The following RELL1 variants were observed in gnomAD, a reference collection of about 807,000 sequenced individuals.
The protein encoded by RELL1 is RELT like 1, also known as RELT-like protein 1.
Under a neutral mutation model 23.0 loss-of-function variants are expected in RELL1, and 10 were observed. The ratio of observed to expected loss-of-function variants is 0.43; its 90% confidence interval spans 0.27 to 0.74. RELL1 has a LOEUF of 0.74. Ranked by LOEUF, RELL1 falls within the 30% of genes least tolerant of loss-of-function variation. The probability of loss-of-function intolerance (pLI) is 0.19; values close to 1 mark genes in which losing one functional copy is unlikely to be tolerated. For synonymous variants in RELL1, 146 were observed against 146.8 expected (o/e 0.99, Z 0.04); for missense variants, 315 against 364.4 (o/e 0.86, Z 1.10).
At chr4:37,679,231 C>T (rs1374637350) in intron 1 of RELL1, among the ~76,000 whole-genome samples, 1 of 152,158 alleles carries the variant, frequency 6.6e-6, no homozygotes, top group Non-Finnish European at 1.5e-5. Flanking sequence ...CCAAACTCTC[C>T]ATCTAGCCGA....
chr4:37,680,700 G>A (rs936748980), intron 1 of RELL1, among the ~76,000 whole-genome samples: 141 of 152,196 alleles, frequency 9.3e-4, no homozygotes, highest in Non-Finnish European at 1.7e-3. Flanking sequence ...AGGCCGAGGC[G>A]GGCGGATCAT....
intron 1 of RELL1, among the ~76,000 whole-genome samples, chr4:37,655,862 C>A (rs1334607701): frequency 6.6e-6 from 1 of 152,198 alleles, no homozygotes; most frequent in Non-Finnish European, 1.5e-5. Flanking sequence ...AAGTGGTCAG[C>A]TGGGTCAGAT....
chr4:37,670,070 A>G (rs1469565098), intron 1 of RELL1, among the ~76,000 whole-genome samples: 2 of 149,938 alleles, frequency 1.3e-5, no homozygotes, highest in African/African-American at 4.9e-5. Flanking sequence ...AAAAAAAAAA[A>G]GAAAGAAAAA....
intron 1 of RELL1, among the ~76,000 whole-genome samples, chr4:37,659,211 G>A (rs11941937): frequency 0.15 from 22,659 of 152,184 alleles, 1,755 homozygotes; most frequent in African/African-American, 0.17. Context: ...GGTTTTTCCT[G>A]GGCCCAGTAA....
chr4:37,619,534 T>A lies in RELL1; in HGVS notation c.*4-6192A>T, dbSNP rs564365150. Among the ~76,000 whole-genome samples, 4 of 152,162 alleles carry A rather than the reference T, an allele frequency of 2.6e-5. No homozygotes were observed. The South Asian group carries it at 8.3e-4, about 32-fold the overall frequency. ...ATGAACCAGTTTGCCTGGGAGGTCT[T>A]GGTTTATATATGTTTACCCAGAATA... On this transcript the variant is annotated intron_variant, in intron 6 of 6. Coordinates refer to ENST00000454158, the MANE Select transcript of RELL1 (RefSeq NM_001085400.2).
At chr4:37,631,277 T>C in intron 6 of RELL1, 108 bp downstream of exon 6, 1 of 1,250,390 alleles carries the variant, frequency 8.0e-7, no homozygotes, top group Non-Finnish European at 1.1e-6. Flanking sequence ...CTCTCCCACT[T>C]CCCTGTCAAA....
intron 3 of RELL1, among the ~76,000 whole-genome samples, chr4:37,640,530 G>C (rs926946904): frequency 6.6e-6 from 1 of 152,128 alleles, no homozygotes; most frequent in African/African-American, 2.4e-5. Context: ...TCCATGCGGG[G>C]ATGTTCCCCA....
In RELL1 at chr4:37,611,446, A is replaced by ATGTT. The variant is rs937009241; in HGVS notation, c.*1896_*1899dup. 1.3e-4 allele frequency among the ~76,000 whole-genome samples: 20 copies of ATGTT among 152,228 alleles called. No individual in the cohort carries two copies. Among genetic ancestry groups the ATGTT allele is most frequent in the African/African-American group, 4.6e-4 (19 of 41,450 alleles). On this transcript the variant is annotated 3_prime_UTR_variant, in exon 7 of 7. Transcript: ENST00000454158. ...TCCCCATTTATTTAAAAGGTTAGAA[A>ATGTT]TGTTTAGTTTGATGCTGGAAATAAA...
intron 6 of RELL1, among the ~76,000 whole-genome samples, chr4:37,630,767 T>C (rs1720103407): frequency 6.6e-6 from 1 of 151,912 alleles, no homozygotes; most frequent in Admixed American, 6.6e-5. Context: ...CCTCAAAATA[T>C]TTGGTGGGAA....
downstream of RELL1, among the ~76,000 whole-genome samples, chr4:37,606,972 C>T (rs1478165172): frequency 1.3e-5 from 2 of 152,212 alleles, no homozygotes; most frequent in African/African-American, 2.4e-5. This position sits in a 1 kb window ranked among gnomAD's most constrained non-coding sequence, Gnocchi z 4.1. Context: ...TGTACCATCA[C>T]GTTCCTGACA....
intron 1 of RELL1, among the ~76,000 whole-genome samples, chr4:37,667,530 G>A (rs991651193): frequency 6.8e-6 from 1 of 147,766 alleles, no homozygotes; most frequent in Non-Finnish European, 1.5e-5. Context: ...AAAAGTCCAT[G>A]GAATGGGATT....
At chr4:37,615,907 C>A (rs948093966) in intron 6 of RELL1, among the ~76,000 whole-genome samples, 8 of 151,914 alleles carry the variant, frequency 5.3e-5, no homozygotes, top group Non-Finnish European at 1.2e-4. Context: ...TATGGGTCCA[C>A]GGAAGCTGCC....
Position 37,686,202 on chromosome 4 carries a change from G to C in RELL1, c.86C>G (p.Pro29Arg). The C allele has an allele frequency of 6.3e-7, 1 of 1,579,380 alleles. No individual in the cohort carries two copies. The highest frequency in any genetic ancestry group is 8.5e-7 in the Non-Finnish European group (1 of 1,170,924). The change falls in exon 1 of 7, where the codon CCG becomes CGG. Residue 29 changes from proline to arginine, a missense_variant and splice_region_variant. Pro to Arg is a moderately radical substitution (Grantham distance 103). Coordinates refer to ENST00000454158, the MANE Select transcript of RELL1 (RefSeq NM_001085400.2). ...GGAVSSPLVA[P>R]DNGSSRTLHS... ...CCCGGCTACGACCGGACACTCACCC[G>C]GAGCCACCAGCGGCGAACTCACGGC...
downstream of RELL1, chr4:37,590,406 G>A: frequency 6.2e-7 from 1 of 1,613,630 alleles, no homozygotes; most frequent in South Asian, 1.1e-5. Context: ...GCCCCACCCA[G>A]GATGACAGGG....
intron 5 of RELL1, 144 bp from the exon 6 acceptor site, chr4:37,631,667 A>AT (rs748993872): frequency 1.2e-6 from 1 of 855,042 alleles, no homozygotes. Flanking sequence ...ATATTCGAAC[A>AT]TGCATTCCTA....
downstream of RELL1, chr4:37,590,153 T>C: frequency 2.5e-6 from 4 of 1,614,194 alleles, no homozygotes; most frequent in Non-Finnish European, 3.4e-6. Flanking sequence ...AGCTGCAAGC[T>C]AGATGAAGAC....
At chr4:37,636,682 G>T (rs149377586) in intron 4 of RELL1, among the ~76,000 whole-genome samples, 368 of 152,108 alleles carry the variant, frequency 2.4e-3, no homozygotes, top group African/African-American at 8.6e-3. Context: ...CAGCAGAAAA[G>T]GAGGAATTCT....
At chr4:37,627,463 G>A (rs761843349) in intron 6 of RELL1, among the ~76,000 whole-genome samples, 2 of 152,112 alleles carry the variant, frequency 1.3e-5, no homozygotes, top group South Asian at 2.1e-4. Context: ...CATTTTAACC[G>A]CATTGCCAAA....
chr4:37,655,655 A>T (rs1391513309), intron 1 of RELL1, among the ~76,000 whole-genome samples: 1 of 152,222 alleles, frequency 6.6e-6, no homozygotes, highest in East Asian at 1.9e-4. Context: ...TTTGTGAGGC[A>T]GCTCTAGCAA....
Sources: allele counts gnomAD v4.1 joint callset (sites outside exome capture counted in the v4.1 genomes callset), GRCh38; gene constraint gnomAD v4.1.1; non-coding constraint Gnocchi (gnomAD v3.1); transcripts MANE v1.5; gene names NCBI Gene and HGNC (gene_info 2026-07-23, HGNC 2026-07-21).